Variants in MYCT1 observed in about 807,000 individuals in gnomAD.
The protein encoded by MYCT1 is MYC target 1, also known as myc target protein 1.
In MYCT1, 12 loss-of-function variants were observed where a neutral mutation model predicts 15.0. The observed-to-expected ratio is 0.80, with a 90% confidence interval of 0.51 to 1.29. The LOEUF (loss-of-function observed/expected upper bound fraction) is 1.29, where lower values mean the gene tolerates loss of function less well. MYCT1 is among the 50% of genes most tolerant of loss of function. MYCT1 has a pLI of 0.00. For synonymous variants in MYCT1, 104 were observed against 102.7 expected (o/e 1.01, Z -0.07); for missense variants, 287 against 279.1 (o/e 1.03, Z -0.20).
In MYCT1 at chr6:152,705,943, T is replaced by C. The variant is rs151287896; in HGVS notation, c.196+7845T>C. On this transcript the variant is annotated intron_variant, in intron 1 of 1. Coordinates refer to ENST00000367245, the MANE Select transcript of MYCT1 (RefSeq NM_025107.3). ...GCTATGGTCAGAGATTTTGTGAATA[T>C]GGTGGAAAAAGCAATTATTGACCCA... is the stretch of plus-strand genomic sequence containing the variant. The C allele has an allele frequency of 4.8e-3, 3,747 of 774,318 alleles. 42 individuals carry two copies. Among genetic ancestry groups the C allele is most frequent in the Non-Finnish European group, 5.7e-3 (2,379 of 418,220 alleles). 48.0% of individuals were successfully genotyped at this position (774,318 alleles called of 1,614,324 possible).
intron 1 of MYCT1, among the ~76,000 whole-genome samples, chr6:152,699,669 G>T (rs1045347059): frequency 6.6e-6 from 1 of 151,918 alleles, no homozygotes; most frequent in African/African-American, 2.4e-5. Flanking sequence ...CAAAAGTAAA[G>T]TAGTTTTTGC....
the MYCT1 span, among the ~76,000 whole-genome samples, chr6:152,741,550 G>A: frequency 6.6e-6 from 1 of 152,054 alleles, no homozygotes; most frequent in Non-Finnish European, 1.5e-5. Context: ...TTATGTAAGT[G>A]TGCTGTAGAA....
intron 1 of MYCT1, among the ~76,000 whole-genome samples, chr6:152,718,165 G>A (rs1346248029): frequency 6.6e-6 from 1 of 152,002 alleles, no homozygotes; most frequent in African/African-American, 2.4e-5. Context: ...TGGAAATATT[G>A]TTATAGTTTT....
intron 1 of MYCT1, among the ~76,000 whole-genome samples, chr6:152,708,366 C>T (rs985629202): frequency 2.6e-5 from 4 of 151,838 alleles, no homozygotes; most frequent in African/African-American, 9.7e-5. Flanking sequence ...TTTTAGAATA[C>T]ATAAGATTTT....
In MYCT1 at chr6:152,721,913, C is replaced by G. The variant is rs888065136; in HGVS notation, c.368C>G (p.Thr123Ser). 2 of 1,613,986 alleles carry G rather than the reference C, an allele frequency of 1.2e-6. No individual in the cohort carries two copies. Among genetic ancestry groups the G allele is most frequent in the African/African-American group, 1.3e-5 (1 of 74,908 alleles). ...TCTTACACCCACGGCCTCAACAGAACTGGATTTTACCGCCACAGTGGCTGT... is the reference window on the plus strand; with the variant it reads ...TCTTACACCCACGGCCTCAACAGAAGTGGATTTTACCGCCACAGTGGCTGT... Reference protein sequence around the residue: ...RSSYTHGLNRTGFYRHSGCER... With the variant: ...RSSYTHGLNRSGFYRHSGCER... Residue 123 changes from threonine (T) to serine (S), a missense_variant, in exon 2 of 2, where the codon ACT becomes AGT. Thr to Ser is a moderately conservative substitution (Grantham distance 58). Transcript: ENST00000367245.
the MYCT1 span, among the ~76,000 whole-genome samples, chr6:152,730,254 T>C: frequency 1.3e-5 from 2 of 152,178 alleles, no homozygotes; most frequent in South Asian, 2.1e-4. Flanking sequence ...ATCTTAGAAG[T>C]TCCAAGGGCC....
chr6:152,725,279 A>G (rs1181601336), downstream of MYCT1, among the ~76,000 whole-genome samples: 1 of 152,220 alleles, frequency 6.6e-6, no homozygotes, highest in Non-Finnish European at 1.5e-5. Flanking sequence ...ACATATGGAA[A>G]ATACTCAGTT....
In MYCT1 at chr6:152,723,540, T is replaced by C. The variant is rs1469188655; in HGVS notation, c.*1287T>C. On this transcript the variant is annotated 3_prime_UTR_variant, in exon 2 of 2. Transcript: ENST00000367245. ...CCCATGAAGAATTCTCCTTCCTGGA[T>C]TGACTCTTAATCATCAGGCATCATT... The C allele has an allele frequency of 6.6e-6, 1 of 152,232 alleles. No individual in the cohort carries two copies. The highest frequency in any genetic ancestry group is 1.9e-4 in the East Asian group (1 of 5,194). The allele number at this position is 152,232 out of a possible 1,614,324, so 9.4% of individuals were successfully genotyped here. A position where few individuals can be genotyped will look rare whatever the true frequency, so the allele number is the denominator to read the frequency against.
chr6:152,733,561 G>T, the MYCT1 span, among the ~76,000 whole-genome samples: 1 of 152,190 alleles, frequency 6.6e-6, no homozygotes, highest in Non-Finnish European at 1.5e-5. Context: ...TCTGAATGAA[G>T]TTATATAAAG....
the MYCT1 span, among the ~76,000 whole-genome samples, chr6:152,735,274 T>A: frequency 2.6e-5 from 4 of 152,132 alleles, no homozygotes; most frequent in Non-Finnish European, 4.4e-5. Context: ...GTTGTAAATA[T>A]TATAAATAGA....
rs551583219 is a variant in MYCT1, at chr6:152,723,517, C to A, written c.*1264C>A. On this transcript the variant is annotated 3_prime_UTR_variant, in exon 2 of 2. Coordinates refer to ENST00000367245, the MANE Select transcript of MYCT1 (RefSeq NM_025107.3). Reference sequence around the variant, plus strand: ...GTTTGTTATTGAAATAGATGTTGCCCATGAAGAATTCTCCTTCCTGGATTG... The same window carrying A: ...GTTTGTTATTGAAATAGATGTTGCCAATGAAGAATTCTCCTTCCTGGATTG... 1 of 152,254 alleles carries A rather than the reference C, an allele frequency of 6.6e-6. No homozygotes were observed. Among genetic ancestry groups the A allele is most frequent in the South Asian group, 2.1e-4 (1 of 4,820 alleles). The allele number at this position is 152,254 out of a possible 1,614,324, so 9.4% of individuals were successfully genotyped here. A position where few individuals can be genotyped will look rare whatever the true frequency, so the allele number is the denominator to read the frequency against.
chr6:152,705,147 T>C (rs978613035), intron 1 of MYCT1, among the ~76,000 whole-genome samples: 2 of 152,176 alleles, frequency 1.3e-5, no homozygotes, highest in Admixed American at 6.6e-5. Context: ...TCCTTGTAAG[T>C]TGAAAATATC....
the MYCT1 span, among the ~76,000 whole-genome samples, chr6:152,731,591 A>G: frequency 1.1e-4 from 17 of 152,094 alleles, no homozygotes; most frequent in African/African-American, 2.4e-4. Context: ...TCATTGTTCA[A>G]TTCCCACCTA....
At chr6:152,719,072 A>G (rs1159530946) in intron 1 of MYCT1, among the ~76,000 whole-genome samples, 1 of 152,136 alleles carries the variant, frequency 6.6e-6, no homozygotes, top group East Asian at 1.9e-4. Flanking sequence ...CTTCTGTTTC[A>G]ATATCTATAA....
chr6:152,719,052 T>C (rs115179966), intron 1 of MYCT1, among the ~76,000 whole-genome samples: 1 of 152,186 alleles, frequency 6.6e-6, no homozygotes, highest in Admixed American at 6.5e-5. Flanking sequence ...TTCTACCACA[T>C]GAACCTTAGC....
chr6:152,719,174 A>C (rs2099724256), intron 1 of MYCT1, among the ~76,000 whole-genome samples: 2 of 152,180 alleles, frequency 1.3e-5, no homozygotes, highest in Admixed American at 6.5e-5. Flanking sequence ...TTGATATTTA[A>C]AAGTCTCCAC....
At chr6:152,737,267 A>C in the MYCT1 span, among the ~76,000 whole-genome samples, 1 of 151,772 alleles carries the variant, frequency 6.6e-6, no homozygotes, top group Non-Finnish European at 1.5e-5. Context: ...GGCAATAAAG[A>C]GTTTGAAGTA....
chr6:152,713,295 C>T (rs2099723067), intron 1 of MYCT1, among the ~76,000 whole-genome samples: 1 of 151,776 alleles, frequency 6.6e-6, no homozygotes, highest in African/African-American at 2.4e-5. Context: ...TCATTTTATT[C>T]ATTGTGAGTG....
the MYCT1 span, among the ~76,000 whole-genome samples, chr6:152,745,271 A>G: frequency 6.6e-6 from 1 of 152,214 alleles, no homozygotes; most frequent in African/African-American, 2.4e-5. Context: ...CACAGGCCAC[A>G]GAGTAAAATG....
Sources: allele counts gnomAD v4.1 joint callset (sites outside exome capture counted in the v4.1 genomes callset), GRCh38; gene constraint gnomAD v4.1.1; transcripts MANE v1.5; gene names NCBI Gene and HGNC (gene_info 2026-07-23, HGNC 2026-07-21).